PPP1R12B: variants seen among roughly 807,000 people sequenced by gnomAD.
PPP1R12B encodes myosin phosphatase target subunit 2.
Under a neutral mutation model 126.1 loss-of-function variants are expected in PPP1R12B, and 76 were observed. That is an observed-to-expected ratio of 0.60 (90% CI 0.50 to 0.73). The LOEUF is 0.73. PPP1R12B is among the 30% of genes least tolerant of loss of function. PPP1R12B has a pLI of 0.00. For missense variants in PPP1R12B, 1,052 were observed against 1,205.1 expected, an observed-to-expected ratio of 0.87 and a Z score of 1.88; for synonymous variants, 356 against 434.7, an observed-to-expected ratio of 0.82 and a Z score of 2.25.
chr1:202,410,459 A>G (rs1311155411), intron 1 of PPP1R12B, among the ~76,000 whole-genome samples: 1 of 152,228 alleles, frequency 6.6e-6, no homozygotes. Flanking sequence ...TATTAGTGAT[A>G]TTCTGAGACA....
rs187179709 is a variant in PPP1R12B at position 202,420,420 on chromosome 1, A to G, written c.423-2200A>G. 4.9e-3 allele frequency among the ~76,000 whole-genome samples: 746 copies of G among 152,342 alleles called. 11 individuals are homozygous for G. The highest frequency in any genetic ancestry group is 0.016 in the African/African-American group (680 of 41,578). ...GAAGTGAAAGGTTTCTACAAGGGAAAATAGAAGGGAGAGTGTTCCACCTAG... is the reference window on the plus strand; with the variant it reads ...GAAGTGAAAGGTTTCTACAAGGGAAGATAGAAGGGAGAGTGTTCCACCTAG... On this transcript the variant is annotated intron_variant, in intron 2 of 23. Transcript: ENST00000608999.
chr1:202,440,765 T>A lies in PPP1R12B; in HGVS notation c.1518T>A (p.Ser506Arg). The change falls in exon 11 of 24, where the codon AGT becomes AGA. Residue 506 changes from serine (S) to arginine (R), a missense_variant. By Grantham distance (110) the Ser-to-Arg change is moderately radical (BLOSUM62 -1). Transcript: ENST00000608999. ...CACCCCGGAAGCTCAACAGCACAAG[T>A]GATATTGAAGAAAAGGAGAACAGGT... ...SLAPRKLNSTSDIEEKENRES... is the reference protein window; with the variant it reads ...SLAPRKLNSTRDIEEKENRES... 6.2e-7 allele frequency: 1 copy of A among 1,613,900 alleles called. No individual in the cohort carries two copies. Among genetic ancestry groups the A allele is most frequent in the African/African-American group, 1.3e-5 (1 of 75,026 alleles).
intron 6 of PPP1R12B, among the ~76,000 whole-genome samples, chr1:202,429,308 A>G (rs1381526719): frequency 6.6e-6 from 1 of 152,222 alleles, no homozygotes; most frequent in Non-Finnish European, 1.5e-5. Flanking sequence ...TGACTAAAAG[A>G]CTATCTTTAT....
intron 1 of PPP1R12B, among the ~76,000 whole-genome samples, chr1:202,384,074 A>T (rs1230165921): frequency 1.3e-5 from 2 of 152,206 alleles, no homozygotes; most frequent in Non-Finnish European, 2.9e-5. Flanking sequence ...GGCATGAAAA[A>T]ATTGGAGCCT....
At chr1:202,509,446 G>T (rs1190044730) in intron 18 of PPP1R12B, among the ~76,000 whole-genome samples, 2 of 152,138 alleles carry the variant, frequency 1.3e-5, no homozygotes, top group Non-Finnish European at 1.5e-5. Flanking sequence ...TTCTCCTAGC[G>T]TGTCCCTATC....
rs1465346606 is a variant in PPP1R12B at position 202,374,500 on chromosome 1, T to TTA, written c.291+25359_291+25360insAT. 3.6e-5 allele frequency among the ~76,000 whole-genome samples: 5 copies of TTA among 138,396 alleles called. No homozygotes were observed. In the East Asian group the frequency reaches 1.1e-3, roughly 29 times the overall value. 90.8% of individuals were successfully genotyped at this position (138,396 alleles called of 152,430 possible). A position where few individuals can be genotyped will look rare whatever the true frequency, so the allele number is the denominator to read the frequency against. ...GCTTTCATTTGTCTCTCTCTTTTTT[T>TTA]TTTTTTTTTTTTTTTGAGACGGAGT... On this transcript the variant is annotated intron_variant, in intron 1 of 23. Coordinates refer to ENST00000608999, the MANE Select transcript of PPP1R12B (RefSeq NM_002481.4).
Position 202,493,212 on chromosome 1 carries a change from C to T in PPP1R12B, c.2040C>T (p.Asp680=). ...AQEQPREKPT[D]TEGLEGSPEK... Reference sequence around the variant, plus strand: ...AGCAGCCTCGTGAGAAGCCCACAGACACTGAAGGGCTTGAGGGGAGCCCTG... The same window carrying T: ...AGCAGCCTCGTGAGAAGCCCACAGATACTGAAGGGCTTGAGGGGAGCCCTG... The change falls in exon 15 of 24, where the codon GAC becomes GAT. Residue 680 remains aspartate (D), a synonymous_variant. Coordinates refer to ENST00000608999, the MANE Select transcript of PPP1R12B (RefSeq NM_002481.4). 1.2e-5 allele frequency: 20 copies of T among 1,612,900 alleles called. No individual in the cohort carries two copies. The highest frequency in any genetic ancestry group is 1.7e-5 in the Non-Finnish European group (20 of 1,179,856).
Position 202,431,477 on chromosome 1 carries a change from T to A in PPP1R12B, c.1002-3T>A. 1.3e-6 allele frequency: 2 copies of A among 1,586,418 alleles called. No homozygotes were observed. Among genetic ancestry groups the A allele is most frequent in the Non-Finnish European group, 1.7e-6 (2 of 1,171,676 alleles). On this transcript the variant is annotated splice_polypyrimidine_tract_variant and splice_region_variant and intron_variant, in intron 7 of 23. Transcript: ENST00000608999. ...TATACTCAAGTTGTCATCTTTAATT[T>A]AGCAAAGAGAAGATGCTCTATGAGG...
chr1:202,438,280 T>C, intron 10 of PPP1R12B: 1 of 1,558,710 alleles, frequency 6.4e-7, no homozygotes, highest in Non-Finnish European at 8.7e-7. Flanking sequence ...CCTTGCCCCC[T>C]TACCTAAAGC....
At chr1:202,363,387 G>T (rs1166133718) in intron 1 of PPP1R12B, among the ~76,000 whole-genome samples, 4 of 152,076 alleles carry the variant, frequency 2.6e-5, no homozygotes, top group Non-Finnish European at 5.9e-5. Flanking sequence ...GTGGAGAAAA[G>T]GGTATTGATC....
At chr1:202,444,965 C>T in intron 12 of PPP1R12B, 1 of 1,154,836 alleles carries the variant, frequency 8.7e-7, no homozygotes, top group Non-Finnish European at 1.1e-6. Context: ...TTCAAGTGCA[C>T]AATCTGGGTG....
At position 202,520,907 on chromosome 1, in the gene PPP1R12B, G is replaced by T. The variant is rs146291984; in HGVS notation, c.2490+24085G>T. 1.4e-4 allele frequency among the ~76,000 whole-genome samples: 21 copies of T among 152,232 alleles called. No individual in the cohort carries two copies. The East Asian group carries it at 3.5e-3, about 25-fold the overall frequency. ...AAAGCCACTATGATGGCAGGGGATC[G>T]GGGGGTGCTATGAATGGATATGGGC... On this transcript the variant is annotated intron_variant, in intron 18 of 23. Transcript: ENST00000608999.
At chr1:202,375,931 C>T (rs1172784919) in intron 1 of PPP1R12B, among the ~76,000 whole-genome samples, 1 of 152,198 alleles carries the variant, frequency 6.6e-6, no homozygotes, top group Non-Finnish European at 1.5e-5. Flanking sequence ...ATGGTCAATA[C>T]ACTTTAGGCT....
At chr1:202,405,533 C>T (rs1026840392) in intron 1 of PPP1R12B, among the ~76,000 whole-genome samples, 2 of 152,172 alleles carry the variant, frequency 1.3e-5, no homozygotes, top group African/African-American at 2.4e-5. Context: ...GCAGCTAACA[C>T]GTAACATTTA....
At chr1:202,445,306 A>G (rs1472811313) in intron 12 of PPP1R12B, 2 of 1,136,128 alleles carry the variant, frequency 1.8e-6, no homozygotes, top group Non-Finnish European at 2.2e-6. Flanking sequence ...TTTGAACCAA[A>G]GAGACTTTAT....
At chr1:202,576,574 A>G (rs1053411100) in intron 23 of PPP1R12B, 2 of 152,244 alleles carry the variant, frequency 1.3e-5, no homozygotes, top group Non-Finnish European at 2.9e-5. Context: ...TGTTAGGTCC[A>G]GACTCCATGC....
At chr1:202,557,692 G>A (rs1287890439) in intron 18 of PPP1R12B, among the ~76,000 whole-genome samples, 1 of 152,196 alleles carries the variant, frequency 6.6e-6, no homozygotes, top group Non-Finnish European at 1.5e-5. Context: ...TAGACCTACT[G>A]AAACAGCATC....
chr1:202,495,691 A>C lies in PPP1R12B; in HGVS notation c.2448+9A>C. 6.2e-7 allele frequency: 1 copy of C among 1,611,068 alleles called. No homozygotes were observed. Among genetic ancestry groups the C allele is most frequent in the Non-Finnish European group, 8.5e-7 (1 of 1,177,320 alleles). On this transcript the variant is annotated intron_variant, in intron 17 of 23. Transcript: ENST00000608999. ...ATTTCTGGACAAAGGATGTAAGTGG[A>C]TTGGTCTGTGCTGAGGCATATCATA...
chr1:202,532,298 T>A (rs986833768), intron 18 of PPP1R12B, among the ~76,000 whole-genome samples: 1 of 152,216 alleles, frequency 6.6e-6, no homozygotes, highest in African/African-American at 2.4e-5. Context: ...GGCTGGCTTC[T>A]TTATCGCAGC....
Sources: gnomAD v4.1 joint callset for allele counts (sites outside exome capture counted in the v4.1 genomes callset) on GRCh38, gnomAD v4.1.1 for gene constraint, MANE v1.5 for transcripts, NCBI Gene and HGNC (gene_info 2026-07-23, HGNC 2026-07-21) for gene names.